The following CHD1 variants were observed in gnomAD, a reference collection of about 807,000 sequenced individuals.
CHD1 encodes ATP-dependent chromatin remodeler CHD1.
A neutral mutation model predicts 224.2 loss-of-function variants in CHD1; 36 were observed. The ratio of observed to expected loss-of-function variants is 0.16; its 90% CI spans 0.12 to 0.21. CHD1 has a LOEUF of 0.21. Among genes scored for constraint, CHD1 ranks in the 10% least tolerant of loss-of-function variants. The pLI is 1.00. For synonymous variants in CHD1, 668 were observed against 658.3 expected, an observed-to-expected ratio of 1.01 and a Z score of -0.23; for missense variants, 1,378 against 1,994.8, an observed-to-expected ratio of 0.69 and a Z score of 5.89.
At chr5:98,925,510 T>C (rs1049271211) in intron 2 of CHD1, among the ~76,000 whole-genome samples, 2 of 152,122 alleles carry the variant, frequency 1.3e-5, no homozygotes, top group East Asian at 1.9e-4. Flanking sequence ...GAGGTAGAAA[T>C]AGGGTAAGCA....
chr5:98,923,656 T>C lies in CHD1; in HGVS notation c.53+2678A>G, dbSNP rs951120972. ...CTCGAACTCCCAACCTCAGGTGATC[T>C]GCCTGCTCGGCCTCCCAAAGTGCTG... is the stretch of plus-strand genomic sequence containing the variant. On this transcript the variant is annotated intron_variant, in intron 2 of 35. Transcript: ENST00000614616. 2.9e-4 allele frequency among the ~76,000 whole-genome samples: 44 copies of C among 152,262 alleles called. 1 individual carries two copies. Among genetic ancestry groups the C allele is most frequent in the African/African-American group, 1.0e-3 (43 of 41,564 alleles).
intron 2 of CHD1, among the ~76,000 whole-genome samples, chr5:98,918,261 A>C (rs1013369199): frequency 1.3e-5 from 2 of 150,976 alleles, no homozygotes; most frequent in Admixed American, 1.3e-4. Flanking sequence ...GGTTTTCACC[A>C]TATTAGCCAG....
chr5:98,898,466 T>C (rs748908315), intron 9 of CHD1, 32 bp from the exon 10 acceptor site: 1 of 1,468,290 alleles, frequency 6.8e-7, no homozygotes, highest in Non-Finnish European at 9.0e-7. Flanking sequence ...ACTTATTTAT[T>C]TATTTTTTTT....
chr5:98,877,087 C>T (rs1164983391), intron 23 of CHD1, among the ~76,000 whole-genome samples: 1 of 152,144 alleles, frequency 6.6e-6, no homozygotes. Context: ...GTGGGAGGAT[C>T]ATTTGACCCC....
chr5:98,906,826 T>C (rs1230942597), intron 2 of CHD1, among the ~76,000 whole-genome samples: 1 of 152,206 alleles, frequency 6.6e-6, no homozygotes, highest in Admixed American at 6.5e-5. Context: ...GTATCTCCTC[T>C]GAAGATCTTG....
At chr5:98,876,637 G>A in intron 23 of CHD1, 79 bp from the exon 24 acceptor site, 1 of 1,225,368 alleles carries the variant, frequency 8.2e-7, no homozygotes, top group Non-Finnish European at 1.2e-6. Context: ...ATAAAAGATG[G>A]TCGGAATCTT....
chr5:98,901,466 A>G, intron 5 of CHD1, 131 bp from the exon 6 acceptor site: 2 of 671,124 alleles, frequency 3.0e-6, no homozygotes, highest in Non-Finnish European at 4.6e-6. Flanking sequence ...CATGCTAAAA[A>G]TGAAATATTT....
rs1747922440 is a variant in CHD1 at position 98,855,123 on chromosome 5, A to C, written c.*1257T>G. 4 of 152,494 alleles carry C rather than the reference A, an allele frequency of 2.6e-5. No individual in the cohort carries two copies. 9.4% of individuals were successfully genotyped at this position (152,494 alleles called of 1,614,324 possible). A position where few individuals can be genotyped will look rare whatever the true frequency, so the allele number is the denominator to read the frequency against. ...TTCTGGCAGCAAAATGTTACTTAAAAACGGGGGTAGGGGGCGGTGGTGGTG... is the reference window on the plus strand; with the variant it reads ...TTCTGGCAGCAAAATGTTACTTAAACACGGGGGTAGGGGGCGGTGGTGGTG... On this transcript the variant is annotated 3_prime_UTR_variant, in exon 36 of 36. Coordinates refer to ENST00000614616, the MANE Select transcript of CHD1 (RefSeq NM_001270.4).
At chr5:98,879,836 G>T in intron 22 of CHD1, 108 bp from the exon 23 acceptor site, 2 of 655,954 alleles carry the variant, frequency 3.0e-6, no homozygotes, top group Non-Finnish European at 5.1e-6. Flanking sequence ...GAACATGGCT[G>T]TGGACTAAAC....
At chr5:98,871,369 C>CAAAAAAAAA (rs61406690) in intron 28 of CHD1, among the ~76,000 whole-genome samples, 2 of 46,796 alleles carry the variant, frequency 4.3e-5, no homozygotes, top group African/African-American at 2.2e-4. Context: ...CCATTTTAGG[C>CAAAAAAAAA]AAAAAAAAAA....
At chr5:98,867,806 T>TG (rs970961652) in intron 31 of CHD1, among the ~76,000 whole-genome samples, 4 of 147,334 alleles carry the variant, frequency 2.7e-5, no homozygotes, top group Non-Finnish European at 3.0e-5. Flanking sequence ...TTTTTTTTTT[T>TG]TTTTTTTTTT....
intron 24 of CHD1, 78 bp downstream of exon 24, chr5:98,876,320 G>T: frequency 7.0e-7 from 1 of 1,429,512 alleles, no homozygotes; most frequent in Non-Finnish European, 9.6e-7. Flanking sequence ...CACAATTTTT[G>T]AAAATTACGG....
chr5:98,902,491 G>A (rs1275496773), intron 5 of CHD1, among the ~76,000 whole-genome samples: 1 of 152,024 alleles, frequency 6.6e-6, no homozygotes, highest in Non-Finnish European at 1.5e-5. Flanking sequence ...TTTCTAAAAT[G>A]AGTTCTACGG....
chr5:98,900,360 A>G (rs1751620325), intron 7 of CHD1, among the ~76,000 whole-genome samples: 1 of 151,936 alleles, frequency 6.6e-6, no homozygotes, highest in Non-Finnish European at 1.5e-5. Flanking sequence ...AGTAGCTTTT[A>G]TAAAACATAA....
intron 14 of CHD1, among the ~76,000 whole-genome samples, chr5:98,893,001 A>G (rs1751115355): frequency 6.6e-6 from 1 of 152,166 alleles, no homozygotes; most frequent in Non-Finnish European, 1.5e-5. Flanking sequence ...ATATACTTTT[A>G]AAGTTCTGGA....
At chr5:98,891,679 G>A (rs1319252092) in intron 15 of CHD1, among the ~76,000 whole-genome samples, 1 of 151,934 alleles carries the variant, frequency 6.6e-6, no homozygotes, top group Non-Finnish European at 1.5e-5. Context: ...GGCATTGTGG[G>A]GCACACCTGT....
intron 31 of CHD1, among the ~76,000 whole-genome samples, chr5:98,867,391 G>C (rs1180577196): frequency 6.6e-6 from 1 of 152,112 alleles, no homozygotes; most frequent in East Asian, 1.9e-4. Flanking sequence ...TATAGCTACT[G>C]CATCTACTAA....
chr5:98,856,721 A>C lies in CHD1; in HGVS notation c.4792T>G (p.Tyr1598Asp). ...TTTCTGTGTTTCTCTCTGTCACTGT[A>C]ATATCTAATAAAGAAAAATTGAGAA... ...WDHYKQDSRYYSDREKHRKLD... is the reference protein window; with the variant it reads ...WDHYKQDSRYDSDREKHRKLD... Residue 1598 changes from tyrosine to aspartate, a missense_variant, in exon 36 of 36, where the codon TAC (tyrosine) becomes GAC (aspartate). Tyr to Asp is a radical substitution (Grantham distance 160, BLOSUM62 -3). Coordinates refer to ENST00000614616, the MANE Select transcript of CHD1 (RefSeq NM_001270.4). 6.4e-7 allele frequency: 1 copy of C among 1,555,726 alleles called. No homozygotes were observed. Among genetic ancestry groups the C allele is most frequent in the Non-Finnish European group, 8.8e-7 (1 of 1,141,928 alleles).
chr5:98,883,248 T>C lies in CHD1; in HGVS notation c.2569-11A>G, dbSNP rs1344698815. 1.9e-6 allele frequency: 3 copies of C among 1,566,810 alleles called. No homozygotes were observed. Among genetic ancestry groups the C allele is most frequent in the African/African-American group, 1.4e-5 (1 of 72,300 alleles). ...CAAAAAGCAAAAATCCTGTAAGAAA[T>C]TGAATAATCAAAATGAAAAATTTTT... is the stretch of plus-strand genomic sequence containing the variant. On this transcript the variant is annotated splice_polypyrimidine_tract_variant and intron_variant, in intron 18 of 35. Coordinates refer to ENST00000614616, the MANE Select transcript of CHD1 (RefSeq NM_001270.4).
Sources: allele counts gnomAD v4.1 joint callset (sites outside exome capture counted in the v4.1 genomes callset), GRCh38; gene constraint gnomAD v4.1.1; transcripts MANE v1.5; gene names NCBI Gene and HGNC (gene_info 2026-07-23, HGNC 2026-07-21).